ARHGAP26: variants seen among roughly 807,000 people sequenced by gnomAD.
ARHGAP26 encodes Rho GTPase activating protein 26.
ARHGAP26 carries 38 observed loss-of-function variants against 104.8 expected under a neutral mutation model. The ratio of observed to expected loss-of-function variants is 0.36; its 90% CI spans 0.28 to 0.48. The LOEUF is 0.48. Ranked by LOEUF, ARHGAP26 falls within the 20% of genes least tolerant of loss-of-function variation. The probability of loss-of-function intolerance (pLI) is 0.99; values close to 1 mark genes in which losing one functional copy is unlikely to be tolerated. For missense variants in ARHGAP26, 704 were observed against 947.9 expected (o/e 0.74, Z 3.38); for synonymous variants, 341 against 340.0 (o/e 1.00, Z -0.03).
chr5:142,791,532 C>T (rs1799291), intron 1 of ARHGAP26, among the ~76,000 whole-genome samples: 13,929 of 152,184 alleles, frequency 0.092, 1,215 homozygotes, highest in African/African-American at 0.24. Context: ...GTTTCCTAAT[C>T]TTCACACCTA....
At chr5:143,127,246 G>T (rs2150846092) in intron 18 of ARHGAP26, among the ~76,000 whole-genome samples, 1 of 152,218 alleles carries the variant, frequency 6.6e-6, no homozygotes. Flanking sequence ...ACACATAATA[G>T]TAGGATTGCA....
chr5:143,186,777 C>T lies in ARHGAP26; in HGVS notation c.1989-20421C>T, dbSNP rs1424905392. Among the ~76,000 whole-genome samples the T allele has an allele frequency of 2.6e-5, 4 of 152,180 alleles. No homozygotes were observed. In the East Asian group the frequency reaches 7.7e-4, roughly 29 times the overall value. ...CCATTGGGGAGCTTTGCTGTGCAGA[C>T]ACAGTGACAGGGCTGTGCTAAGACA... On this transcript the variant is annotated intron_variant, in intron 20 of 22. Transcript: ENST00000645722.
intron 1 of ARHGAP26, among the ~76,000 whole-genome samples, chr5:142,834,081 A>G (rs970732590): frequency 5.3e-5 from 8 of 152,244 alleles, no homozygotes; most frequent in Non-Finnish European, 2.9e-5. Context: ...AAAAATTATG[A>G]GCATGATAAT....
intron 1 of ARHGAP26, among the ~76,000 whole-genome samples, chr5:142,821,300 GTTTTT>G (rs71576157): frequency 7.6e-4 from 81 of 106,356 alleles, no homozygotes; most frequent in African/African-American, 2.3e-3. Context: ...AGGTAGAGTG[GTTTTT>G]TTTTTTTTTT....
At chr5:143,217,394 T>C (rs1810495581) in intron 22 of ARHGAP26, among the ~76,000 whole-genome samples, 1 of 152,182 alleles carries the variant, frequency 6.6e-6, no homozygotes, top group South Asian at 2.1e-4. Flanking sequence ...AACTGTCCAT[T>C]TCAACAAGAG....
intron 20 of ARHGAP26, chr5:143,166,024 C>T: frequency 1.5e-6 from 2 of 1,318,950 alleles, no homozygotes; most frequent in South Asian, 1.3e-5. Context: ...GCTCTTTTAA[C>T]AGGCACTGGG....
chr5:142,832,062 A>C (rs1172170592), intron 1 of ARHGAP26, among the ~76,000 whole-genome samples: 1 of 152,210 alleles, frequency 6.6e-6, no homozygotes, highest in East Asian at 1.9e-4. Context: ...AAAACTGTAC[A>C]CATGTCCTTT....
Position 142,885,063 on chromosome 5 carries a change from A to G in ARHGAP26, c.385-235A>G, listed in dbSNP as rs138367804. On this transcript the variant is annotated intron_variant, in intron 4 of 22. Coordinates refer to ENST00000645722, the MANE Select transcript of ARHGAP26 (RefSeq NM_001135608.3). ...GAGGGGGAATCTTGGCTTTGCCACC[A>G]TTAGATATTCGTATTTACCTCATTT... Among the ~76,000 whole-genome samples the G allele has an allele frequency of 1.0e-3, 155 of 152,278 alleles. 2 individuals carry two copies. Among genetic ancestry groups the G allele is most frequent in the African/African-American group, 3.4e-3 (141 of 41,550 alleles).
At chr5:142,877,264 A>G (rs1000942639) in intron 3 of ARHGAP26, among the ~76,000 whole-genome samples, 2 of 152,194 alleles carry the variant, frequency 1.3e-5, no homozygotes, top group Non-Finnish European at 2.9e-5. Flanking sequence ...AGTTAAGCTC[A>G]GCAAGCAAAG....
chr5:143,191,847 A>G (rs952560280), intron 20 of ARHGAP26, among the ~76,000 whole-genome samples: 1 of 152,154 alleles, frequency 6.6e-6, no homozygotes, highest in African/African-American at 2.4e-5. Flanking sequence ...CTTCCATCGT[A>G]TTTGTCAGGC....
intron 22 of ARHGAP26, among the ~76,000 whole-genome samples, chr5:143,214,643 A>C (rs1456425045): frequency 6.6e-6 from 1 of 152,112 alleles, no homozygotes; most frequent in Non-Finnish European, 1.5e-5. Flanking sequence ...GTTCCTGGGG[A>C]CCAGCCCTTG....
chr5:143,178,231 C>T (rs1599381875), intron 20 of ARHGAP26, among the ~76,000 whole-genome samples: 2 of 152,086 alleles, frequency 1.3e-5, no homozygotes, highest in African/African-American at 4.8e-5. Flanking sequence ...AACTCCTGAC[C>T]TCAAGTGATC....
At chr5:143,014,011 G>T in intron 11 of ARHGAP26, 69 bp from the exon 12 acceptor site, 1 of 1,495,286 alleles carries the variant, frequency 6.7e-7, no homozygotes, top group East Asian at 2.3e-5. Context: ...GGAAGATAAT[G>T]GTTTTCTACA....
At chr5:142,885,493 GT>G in intron 5 of ARHGAP26, 94 bp downstream of exon 5, 1 of 1,119,526 alleles carries the variant, frequency 8.9e-7, no homozygotes, top group Non-Finnish European at 1.3e-6. Context: ...AAATCTTAGG[GT>G]TAGAAGGGAC....
At chr5:143,193,463 G>A (rs924416617) in intron 20 of ARHGAP26, among the ~76,000 whole-genome samples, 79 of 151,944 alleles carry the variant, frequency 5.2e-4, no homozygotes, top group African/African-American at 1.9e-3. Flanking sequence ...TGGCCAGGCT[G>A]GTCTCGAACT....
At chr5:142,932,443 A>G (rs1267725044) in intron 11 of ARHGAP26, among the ~76,000 whole-genome samples, 1 of 152,188 alleles carries the variant, frequency 6.6e-6, no homozygotes, top group Admixed American at 6.5e-5. Context: ...GCGGGACATT[A>G]TCAGGATGGA....
chr5:142,829,152 T>A (rs1767896727), intron 1 of ARHGAP26, among the ~76,000 whole-genome samples: 1 of 152,198 alleles, frequency 6.6e-6, no homozygotes, highest in Non-Finnish European at 1.5e-5. Context: ...AACCTTTCTG[T>A]CCTCTAGATT....
intron 12 of ARHGAP26, among the ~76,000 whole-genome samples, chr5:143,032,822 T>TA (rs2152864786): frequency 6.6e-6 from 1 of 152,306 alleles, no homozygotes; most frequent in Non-Finnish European, 1.5e-5. Flanking sequence ...AATCAAGCTC[T>TA]TTGTGTGTGT....
intron 17 of ARHGAP26, among the ~76,000 whole-genome samples, chr5:143,081,124 A>G (rs1333377636): frequency 6.6e-6 from 1 of 152,068 alleles, no homozygotes; most frequent in Non-Finnish European, 1.5e-5. Context: ...GGGTAAAGAC[A>G]CCAAAAGTTC....
Sources: gnomAD v4.1 joint callset for allele counts (sites outside exome capture counted in the v4.1 genomes callset) on GRCh38, gnomAD v4.1.1 for gene constraint, MANE v1.5 for transcripts, NCBI Gene and HGNC (gene_info 2026-07-23, HGNC 2026-07-21) for gene names.